The following PTPRK variants were observed in gnomAD, a reference collection of about 807,000 sequenced individuals.
The protein encoded by PTPRK is protein tyrosine phosphatase receptor type K.
In PTPRK, 75 loss-of-function variants were observed where a neutral mutation model predicts 178.0. The ratio of observed to expected loss-of-function variants is 0.42; its 90% confidence interval spans 0.35 to 0.51. PTPRK has a LOEUF of 0.51. PTPRK is among the 20% of genes least tolerant of loss of function. The probability of loss-of-function intolerance (pLI) is 0.02; values close to 1 mark genes in which losing one functional copy is unlikely to be tolerated. For missense variants in PTPRK, 1,441 were observed against 1,797.8 expected (o/e 0.80, Z 3.59); for synonymous variants, 637 against 620.6 (o/e 1.03, Z -0.39).
intron 6 of PTPRK, among the ~76,000 whole-genome samples, chr6:128,196,197 A>G (rs1480610306): frequency 6.6e-6 from 1 of 151,818 alleles, no homozygotes; most frequent in African/African-American, 2.4e-5. Flanking sequence ...GAATGCATTA[A>G]AGCAGATCTA....
chr6:128,322,532 G>A (rs1371393623), intron 2 of PTPRK, among the ~76,000 whole-genome samples: 1 of 151,638 alleles, frequency 6.6e-6, no homozygotes, highest in Non-Finnish European at 1.5e-5. Context: ...AATTCATTTA[G>A]TCTCCACAAC....
intron 13 of PTPRK, among the ~76,000 whole-genome samples, chr6:128,059,857 G>C (rs1780517329): frequency 6.6e-6 from 1 of 151,984 alleles, no homozygotes; most frequent in Non-Finnish European, 1.5e-5. Context: ...AAAATTATTA[G>C]ACTAGTAATA....
intron 7 of PTPRK, among the ~76,000 whole-genome samples, chr6:128,163,529 T>C (rs1297931737): frequency 6.6e-6 from 1 of 151,424 alleles, no homozygotes; most frequent in Non-Finnish European, 1.5e-5. Context: ...ACATTTGGAA[T>C]AGAATAAAGG....
At chr6:128,189,024 T>C (rs1430505805) in intron 6 of PTPRK, among the ~76,000 whole-genome samples, 1 of 152,010 alleles carries the variant, frequency 6.6e-6, no homozygotes, top group Non-Finnish European at 1.5e-5. Flanking sequence ...AGGATTAGAA[T>C]CTATTTGGGG....
chr6:128,243,381 C>G (rs1018322746), intron 3 of PTPRK, among the ~76,000 whole-genome samples: 1 of 146,868 alleles, frequency 6.8e-6, no homozygotes, highest in Non-Finnish European at 1.5e-5. Context: ...TGGCTGGGTG[C>G]GGTAACTCAC....
At position 128,016,292 on chromosome 6, in the gene PTPRK, G is replaced by A. The variant is rs1264269101; in HGVS notation, c.2195-7024C>T. Reference sequence around the variant, plus strand: ...TATAGCAGGTTTGATGAAGGGTGACGTTATAAAGGACTATGATAGGGCGAA... The same window carrying A: ...TATAGCAGGTTTGATGAAGGGTGACATTATAAAGGACTATGATAGGGCGAA... On this transcript the variant is annotated intron_variant, in intron 13 of 29. Coordinates refer to ENST00000368226, the MANE Select transcript of PTPRK (RefSeq NM_002844.4). Among the ~76,000 whole-genome samples the A allele has an allele frequency of 2.6e-5, 4 of 151,842 alleles. No individual in the cohort carries two copies. In the South Asian group the frequency reaches 6.2e-4, roughly 24 times the overall value.
At chr6:128,143,074 A>G (rs569069765) in intron 7 of PTPRK, among the ~76,000 whole-genome samples, 3 of 152,300 alleles carry the variant, frequency 2.0e-5, no homozygotes, top group Admixed American at 1.3e-4. Context: ...CCTGAAACTT[A>G]TAACACTTCT....
chr6:128,371,249 A>C (rs1208049411), intron 2 of PTPRK, among the ~76,000 whole-genome samples: 1 of 152,166 alleles, frequency 6.6e-6, no homozygotes, highest in Non-Finnish European at 1.5e-5. Flanking sequence ...ATCAGTTTGG[A>C]CTCTATCTGT....
chr6:128,351,790 C>G (rs917905801), intron 2 of PTPRK, among the ~76,000 whole-genome samples: 3 of 152,054 alleles, frequency 2.0e-5, no homozygotes, highest in African/African-American at 7.2e-5. Context: ...CTGCCAGGAA[C>G]ACTGTAGTAG....
chr6:128,145,464 TTA>T (rs1375152009), intron 7 of PTPRK, among the ~76,000 whole-genome samples: 2 of 152,176 alleles, frequency 1.3e-5, no homozygotes, highest in Non-Finnish European at 2.9e-5. Flanking sequence ...AATAAAGACA[TTA>T]ATGCTCCTTC....
In PTPRK at chr6:128,001,232, C is replaced by A. The variant is rs1035920757; in HGVS notation, c.2495-2328G>T. The A allele has an allele frequency of 2.0e-6, 3 of 1,525,862 alleles. No individual in the cohort carries two copies. In the African/African-American group the frequency reaches 4.1e-5, roughly 21 times the overall value. 94.5% of individuals were successfully genotyped at this position (1,525,862 alleles called of 1,614,324 possible). On this transcript the variant is annotated intron_variant, in intron 15 of 29. Coordinates refer to ENST00000368226, the MANE Select transcript of PTPRK (RefSeq NM_002844.4). ...ACTTAAACCCAATGAAGCAGTAAAA[C>A]ACAAAAACCAAAAATACGAATCAGT...
intron 1 of PTPRK, among the ~76,000 whole-genome samples, chr6:128,425,867 G>A (rs1021371496): frequency 4.6e-5 from 7 of 152,056 alleles, no homozygotes; most frequent in African/African-American, 1.2e-4. Flanking sequence ...AATAAGCATC[G>A]GCAAAAAATT....
chr6:128,273,753 C>G (rs895568063), intron 3 of PTPRK, among the ~76,000 whole-genome samples: 1 of 152,146 alleles, frequency 6.6e-6, no homozygotes, highest in African/African-American at 2.4e-5. Flanking sequence ...AAGAAACATT[C>G]CAGTAAAGGA....
At chr6:128,190,401 A>G (rs745897608) in intron 6 of PTPRK, among the ~76,000 whole-genome samples, 4 of 142,066 alleles carry the variant, frequency 2.8e-5, no homozygotes, top group Non-Finnish European at 6.1e-5. Flanking sequence ...ATTAAGTTTT[A>G]TTTACTTTGT....
At chr6:128,514,841 C>G (rs115793366) in intron 1 of PTPRK, among the ~76,000 whole-genome samples, 289 of 152,194 alleles carry the variant, frequency 1.9e-3, no homozygotes, top group African/African-American at 6.7e-3. Context: ...AAAAACCTCA[C>G]GAAACTAAGT....
intron 3 of PTPRK, among the ~76,000 whole-genome samples, chr6:128,298,185 G>T (rs955202594): frequency 2.0e-5 from 3 of 152,284 alleles, no homozygotes; most frequent in South Asian, 4.1e-4. Flanking sequence ...ACAGGAAGAA[G>T]TTGACTCTCT....
intron 13 of PTPRK, among the ~76,000 whole-genome samples, chr6:128,063,895 T>C (rs372554567): frequency 2.0e-5 from 3 of 152,102 alleles, no homozygotes; most frequent in African/African-American, 7.2e-5. Flanking sequence ...AAACAGAATA[T>C]GGCCATTGAT....
At chr6:128,109,725 A>G (rs1190055279) in intron 7 of PTPRK, among the ~76,000 whole-genome samples, 1 of 152,202 alleles carries the variant, frequency 6.6e-6, no homozygotes, top group Admixed American at 6.5e-5. Flanking sequence ...TGACTTTTTC[A>G]CCATTTTCAA....
At chr6:128,105,360 C>T (rs1789543857) in intron 7 of PTPRK, among the ~76,000 whole-genome samples, 2 of 152,128 alleles carry the variant, frequency 1.3e-5, no homozygotes, top group Non-Finnish European at 2.9e-5. Context: ...GTCTTGATCT[C>T]CTGACCTTGT....
Sources: allele counts gnomAD v4.1 joint callset (sites outside exome capture counted in the v4.1 genomes callset), GRCh38; gene constraint gnomAD v4.1.1; transcripts MANE v1.5; gene names NCBI Gene and HGNC (gene_info 2026-07-23, HGNC 2026-07-21).